The following DNMT3B variants were observed in gnomAD, a reference collection of about 807,000 sequenced individuals.
DNMT3B encodes DNA (cytosine-5)-methyltransferase 3B.
In DNMT3B, 37 loss-of-function variants were observed where a neutral mutation model predicts 120.2. The ratio of observed to expected loss-of-function variants is 0.31; its 90% CI spans 0.24 to 0.40. The LOEUF (loss-of-function observed/expected upper bound fraction) is 0.40. Among genes scored for constraint, DNMT3B ranks in the 10% least tolerant of loss-of-function variants. The pLI is 1.00. For missense variants in DNMT3B, 878 were observed against 1,137.3 expected (o/e 0.77, Z 3.28); for synonymous variants, 412 against 442.8 (o/e 0.93, Z 0.87).
intron 9 of DNMT3B, 94 bp downstream of exon 9, chr20:32,792,864 C>G: frequency 6.4e-7 from 1 of 1,558,070 alleles, no homozygotes; most frequent in Non-Finnish European, 8.7e-7. Flanking sequence ...ACACCCCACC[C>G]AGCTTTCTAG....
intron 1 of DNMT3B, among the ~76,000 whole-genome samples, chr20:32,777,665 G>T (rs571349990): frequency 6.6e-6 from 1 of 152,240 alleles, no homozygotes; most frequent in African/African-American, 2.4e-5. Flanking sequence ...GGCCCACTAG[G>T]TTACTTAGTT....
intron 18 of DNMT3B, 110 bp downstream of exon 18, chr20:32,801,035 G>A: frequency 7.3e-7 from 1 of 1,364,010 alleles, no homozygotes; most frequent in Non-Finnish European, 1.0e-6. Flanking sequence ...GTTACTGGCA[G>A]CATCAGGGGC....
At chr20:32,766,732 C>T (rs1335108567) in intron 1 of DNMT3B, among the ~76,000 whole-genome samples, 1 of 151,898 alleles carries the variant, frequency 6.6e-6, no homozygotes, top group Non-Finnish European at 1.5e-5. Context: ...AGACTACAGG[C>T]ATGCACCACC....
At chr20:32,767,927 G>C (rs1012596391) in intron 1 of DNMT3B, among the ~76,000 whole-genome samples, 1 of 152,236 alleles carries the variant, frequency 6.6e-6, no homozygotes, top group African/African-American at 2.4e-5. Flanking sequence ...TCTGGGGCCA[G>C]AGCTGGGGCT....
intron 7 of DNMT3B, among the ~76,000 whole-genome samples, chr20:32,791,398 C>CTG (rs1265402708): frequency 4.6e-5 from 7 of 151,998 alleles, no homozygotes; most frequent in Non-Finnish European, 2.9e-5. Flanking sequence ...TTCTGGATAT[C>CTG]TGTGTGTTGA....
In DNMT3B at chr20:32,784,878, AGCCAAAGCACTTGTG is replaced by A; in HGVS notation, c.306+25_306+39del. On this transcript the variant is annotated intron_variant, in intron 4 of 22. Transcript: ENST00000328111. Reference sequence around the variant, plus strand: ...CCCAGCTGTAAGTAGCCACACCTCGAGCCAAAGCACTTGTGGCCAACACTCTACATAGCATACATA... The same window carrying A: ...CCCAGCTGTAAGTAGCCACACCTCGAGCCAACACTCTACATAGCATACATA... 1 of 1,613,492 alleles carries A rather than the reference AGCCAAAGCACTTGTG, an allele frequency of 6.2e-7. No individual in the cohort carries two copies. Among genetic ancestry groups the A allele is most frequent in the South Asian group, 1.1e-5 (1 of 91,030 alleles).
intron 9 of DNMT3B, among the ~76,000 whole-genome samples, chr20:32,793,020 G>T (rs775646904): frequency 1.3e-5 from 2 of 152,248 alleles, no homozygotes; most frequent in Non-Finnish European, 1.5e-5. Context: ...TTGAAGTCAG[G>T]ATGCAGTGTT....
Position 32,797,287 on chromosome 20 carries a change from C to G in DNMT3B, c.1478C>G (p.Thr493Arg), listed in dbSNP as rs755018555. Residue 493 changes from threonine to arginine, a missense_variant, in exon 14 of 23, where the codon ACG (threonine) becomes AGG (arginine). Physicochemically the swap from Thr to Arg is moderately conservative, Grantham distance 71. This residue lies in a region of DNMT3B where 334 missense variants were observed against 518.8 expected (regional missense o/e 0.64). Transcript: ENST00000328111. Reference protein sequence around the residue: ...EGRELLLCSNTSCCRCFCVEC... With the variant: ...EGRELLLCSNRSCCRCFCVEC... Reference sequence around the variant, plus strand: ...CGAGAGCTGCTGCTTTGCAGCAACACGAGCTGCTGCCGGTGAGCACTGGGC... The same window carrying G: ...CGAGAGCTGCTGCTTTGCAGCAACAGGAGCTGCTGCCGGTGAGCACTGGGC... 6.2e-7 allele frequency: 1 copy of G among 1,614,072 alleles called. No individual in the cohort carries two copies. The highest frequency in any genetic ancestry group is 2.2e-5 in the East Asian group (1 of 44,894).
rs1369929665 is a variant in DNMT3B at position 32,780,781 on chromosome 20, C to T, written c.142+316C>T. Among the ~76,000 whole-genome samples, 3 of 152,098 alleles carry T rather than the reference C, an allele frequency of 2.0e-5. No individual in the cohort carries two copies. The East Asian group carries it at 5.8e-4, about 29-fold the overall frequency. On this transcript the variant is annotated intron_variant, in intron 2 of 22. Coordinates refer to ENST00000328111, the MANE Select transcript of DNMT3B (RefSeq NM_006892.4). ...GAGAGCCCTTCTGCAGTGGGACCCT[C>T]TCCCCACTCAGAGCTGGGCTGGGGT...
rs942343495 is a variant in DNMT3B, at chr20:32,809,116, T to G, written c.*1213T>G. On this transcript the variant is annotated 3_prime_UTR_variant, in exon 23 of 23. Transcript: ENST00000328111. Reference sequence around the variant, plus strand: ...TTTACTCTTCTTACTGGTGCTATTTTGTAGAATAAGGAACAACGTTGACAA... The same window carrying G: ...TTTACTCTTCTTACTGGTGCTATTTGGTAGAATAAGGAACAACGTTGACAA... The G allele has an allele frequency of 1.4e-5, 3 of 216,580 alleles. No homozygotes were observed. The highest frequency in any genetic ancestry group is 2.8e-5 in the Non-Finnish European group (3 of 107,220). The allele number at this position is 216,580 out of a possible 1,614,324, so 13.4% of individuals were successfully genotyped here. A position where few individuals can be genotyped will look rare whatever the true frequency, so the allele number is the denominator to read the frequency against.
At chr20:32,794,179 ATGTAACCC>A (rs1230428643) in intron 10 of DNMT3B, among the ~76,000 whole-genome samples, 2 of 151,798 alleles carry the variant, frequency 1.3e-5, no homozygotes, top group African/African-American at 4.8e-5. Context: ...GGGCAACAGG[ATGTAACCC>A]TGTTTCTAAG....
chr20:32,767,425 GT>G (rs1317123377), intron 1 of DNMT3B, among the ~76,000 whole-genome samples: 10 of 146,860 alleles, frequency 6.8e-5, no homozygotes, highest in Non-Finnish European at 9.1e-5. Flanking sequence ...TCTTGTGTGT[GT>G]TTTTTTTTTA....
At chr20:32,771,456 C>A (rs1425718014) in intron 1 of DNMT3B, among the ~76,000 whole-genome samples, 1 of 151,996 alleles carries the variant, frequency 6.6e-6, no homozygotes, top group African/African-American at 2.4e-5. Context: ...GCCTGGCCAG[C>A]ATACTGAAAC....
At chr20:32,785,200 C>T (rs8119395) in intron 4 of DNMT3B, among the ~76,000 whole-genome samples, 357 of 152,150 alleles carry the variant, frequency 2.3e-3, no homozygotes, top group African/African-American at 7.9e-3. Context: ...CCACCACACC[C>T]GGCCAGTTTT....
chr20:32,805,819 C>T (rs940537862), intron 21 of DNMT3B, among the ~76,000 whole-genome samples: 2 of 151,932 alleles, frequency 1.3e-5, no homozygotes, highest in East Asian at 3.9e-4. Flanking sequence ...TGAGCATTCT[C>T]TGTATCTGGG....
intron 7 of DNMT3B, among the ~76,000 whole-genome samples, chr20:32,789,960 C>T (rs1465288519): frequency 1.3e-5 from 2 of 152,304 alleles, no homozygotes; most frequent in South Asian, 2.1e-4. Flanking sequence ...TAGTCCTACC[C>T]TCAGAGCCCT....
At chr20:32,789,936 T>C (rs191980503) in intron 7 of DNMT3B, among the ~76,000 whole-genome samples, 160 of 152,284 alleles carry the variant, frequency 1.1e-3, no homozygotes, top group Non-Finnish European at 1.7e-3. Context: ...TGATGGTCTC[T>C]TAGAAGTAAA....
intron 3 of DNMT3B, among the ~76,000 whole-genome samples, chr20:32,783,487 G>T (rs1019482132): frequency 2.0e-5 from 3 of 151,590 alleles, no homozygotes; most frequent in African/African-American, 7.3e-5. Context: ...TTTGTCAATT[G>T]GGTTGGTTTT....
intron 2 of DNMT3B, 81 bp downstream of exon 2, chr20:32,780,546 A>G: frequency 1.3e-6 from 2 of 1,562,904 alleles, no homozygotes; most frequent in Admixed American, 3.6e-5. Flanking sequence ...GGCTTTGGGG[A>G]GAGTCTCTGA....
Sources: allele counts gnomAD v4.1 joint callset (sites outside exome capture counted in the v4.1 genomes callset), GRCh38; gene constraint gnomAD v4.1.1; regional missense constraint gnomAD v4.1.1; transcripts MANE v1.5; gene names NCBI Gene and HGNC (gene_info 2026-07-23, HGNC 2026-07-21).